The following ADAM12 variants were observed in gnomAD, a reference collection of about 807,000 sequenced individuals.
The protein encoded by ADAM12 is disintegrin and metalloproteinase domain-containing protein 12.
ADAM12 carries 70 observed loss-of-function variants against 106.4 expected under a neutral mutation model. The ratio of observed to expected loss-of-function variants is 0.66; its 90% CI spans 0.54 to 0.80. The LOEUF is 0.80. ADAM12 is among the 30% of genes least tolerant of loss of function. The probability of loss-of-function intolerance (pLI) is 0.00; values close to 1 mark genes in which losing one functional copy is unlikely to be tolerated. For missense variants in ADAM12, 1,010 were observed against 1,171.9 expected (o/e 0.86, Z 2.02); for synonymous variants, 420 against 433.5 (o/e 0.97, Z 0.39).
rs1446607314 is a variant in ADAM12, at chr10:126,064,056, G to A, written c.1609+750C>T. ...GGAGACCTGGGGAAACTGACATTTG[G>A]TCTCAGAGTTTGAGCATCATCTTCT... On this transcript the variant is annotated intron_variant, in intron 14 of 22. Transcript: ENST00000448723. The surrounding 1 kb of genome is among the most constrained non-coding windows in gnomAD (Gnocchi z 4.4). Among the ~76,000 whole-genome samples the A allele has an allele frequency of 2.6e-5, 4 of 152,190 alleles. No homozygotes were observed. Among genetic ancestry groups the A allele is most frequent in the African/African-American group, 7.2e-5 (3 of 41,450 alleles).
intron 3 of ADAM12, among the ~76,000 whole-genome samples, chr10:126,171,894 T>A (rs1173078165): frequency 6.6e-6 from 1 of 152,210 alleles, no homozygotes; most frequent in African/African-American, 2.4e-5. Flanking sequence ...GATGACATCA[T>A]GTGTGCTGCT....
At chr10:126,173,194 G>T (rs544530772) in intron 3 of ADAM12, among the ~76,000 whole-genome samples, 1 of 152,032 alleles carries the variant, frequency 6.6e-6, no homozygotes, top group Non-Finnish European at 1.5e-5. Flanking sequence ...ACCATGGCAC[G>T]TGTATACCTA....
At chr10:126,387,808 C>G (rs936171692) in intron 1 of ADAM12, among the ~76,000 whole-genome samples, 3 of 150,524 alleles carry the variant, frequency 2.0e-5, no homozygotes, top group Non-Finnish European at 4.4e-5. Flanking sequence ...GGAGCGGTCC[C>G]GAGGCTGTGC....
chr10:126,088,507 C>G (rs1203322723), intron 11 of ADAM12, among the ~76,000 whole-genome samples: 1 of 150,944 alleles, frequency 6.6e-6, no homozygotes, highest in Non-Finnish European at 1.5e-5. Context: ...TCAAGACCAG[C>G]CTGTCCAACA....
At chr10:126,211,746 C>T (rs1446473577) in intron 3 of ADAM12, among the ~76,000 whole-genome samples, 1 of 152,184 alleles carries the variant, frequency 6.6e-6, no homozygotes, top group Non-Finnish European at 1.5e-5. Context: ...AAATAGTCAT[C>T]TCTGCCTCCT....
chr10:126,075,808 A>G (rs1246885718), intron 11 of ADAM12, among the ~76,000 whole-genome samples: 1 of 152,190 alleles, frequency 6.6e-6, no homozygotes, highest in Non-Finnish European at 1.5e-5. Flanking sequence ...ACTTGGCATC[A>G]TTCTTAGATA....
chr10:126,099,020 G>A (rs992536634), intron 9 of ADAM12, among the ~76,000 whole-genome samples: 4 of 152,164 alleles, frequency 2.6e-5, no homozygotes, highest in Admixed American at 2.0e-4. Context: ...CCCTGGAGCC[G>A]GTGTAGAACA....
intron 1 of ADAM12, among the ~76,000 whole-genome samples, chr10:126,349,758 T>G (rs1015895038): frequency 5.9e-5 from 9 of 152,220 alleles, no homozygotes; most frequent in Non-Finnish European, 1.3e-4. Context: ...ATCTCTTCCA[T>G]CTAGGCAAAC....
chr10:126,121,101 ATTATATATAG>A (rs1419518854), intron 5 of ADAM12, among the ~76,000 whole-genome samples: 1 of 81,220 alleles, frequency 1.2e-5, no homozygotes, highest in African/African-American at 5.5e-5. Context: ...AATATACTAT[ATTATATATAG>A]TATATATATA....
chr10:126,078,774 G>A (rs1460546995), intron 11 of ADAM12, among the ~76,000 whole-genome samples: 1 of 151,944 alleles, frequency 6.6e-6, no homozygotes, highest in Non-Finnish European at 1.5e-5. Flanking sequence ...ATTTGCAAAT[G>A]AGGTGAAGGG....
At chr10:126,364,069 AAAAG>A (rs1855828870) in intron 1 of ADAM12, among the ~76,000 whole-genome samples, 1 of 152,176 alleles carries the variant, frequency 6.6e-6, no homozygotes, top group African/African-American at 2.4e-5. Context: ...ACAAGATTTA[AAAAG>A]AGAGAGACAA....
intron 14 of ADAM12, among the ~76,000 whole-genome samples, chr10:126,057,672 T>C (rs1158774845): frequency 3.9e-5 from 6 of 152,154 alleles, no homozygotes; most frequent in Non-Finnish European, 8.8e-5. Context: ...CAGCTAGTGG[T>C]CGCCAGAGTG....
At chr10:126,076,536 T>C (rs1326962620) in intron 11 of ADAM12, among the ~76,000 whole-genome samples, 4 of 152,220 alleles carry the variant, frequency 2.6e-5, no homozygotes, top group Non-Finnish European at 4.4e-5. Context: ...CTGTTATTTC[T>C]GACTTTTTAA....
At chr10:126,163,053 C>T (rs150775571) in intron 3 of ADAM12, among the ~76,000 whole-genome samples, 5 of 152,274 alleles carry the variant, frequency 3.3e-5, no homozygotes, top group African/African-American at 7.2e-5. Context: ...TTTCATCATA[C>T]GAGGTACATG....
At chr10:126,056,417 T>C (rs1954632455) in intron 14 of ADAM12, among the ~76,000 whole-genome samples, 1 of 152,212 alleles carries the variant, frequency 6.6e-6, no homozygotes, top group South Asian at 2.1e-4. Context: ...GAATGCATAC[T>C]CCAGCCCCTG....
intron 2 of ADAM12, among the ~76,000 whole-genome samples, chr10:126,309,054 G>A (rs140184850): frequency 1.3e-5 from 2 of 152,266 alleles, no homozygotes; most frequent in Non-Finnish European, 2.9e-5. Context: ...CTCCCACCCA[G>A]TCCTGTGATT....
intron 5 of ADAM12, among the ~76,000 whole-genome samples, chr10:126,123,758 T>C (rs1324431302): frequency 6.6e-6 from 1 of 151,988 alleles, no homozygotes; most frequent in African/African-American, 2.4e-5. Flanking sequence ...CTTTGTGCAG[T>C]TTTGAGAGAG....
chr10:126,298,174 A>G (rs897718327), intron 2 of ADAM12, among the ~76,000 whole-genome samples: 3 of 152,182 alleles, frequency 2.0e-5, no homozygotes, highest in Non-Finnish European at 4.4e-5. Context: ...TGACACTCCA[A>G]AAATAACCAG....
At chr10:126,113,655 T>C (rs184012933) in intron 6 of ADAM12, among the ~76,000 whole-genome samples, 111 of 10,684 alleles carry the variant, frequency 0.01, no homozygotes, top group African/African-American at 0.021. Flanking sequence ...TGAGACTCCG[T>C]CTCAAAAAAA....
Sources: allele counts gnomAD v4.1 joint callset (sites outside exome capture counted in the v4.1 genomes callset), GRCh38; gene constraint gnomAD v4.1.1; non-coding constraint Gnocchi (gnomAD v3.1); transcripts MANE v1.5; gene names NCBI Gene and HGNC (gene_info 2026-07-23, HGNC 2026-07-21).